The following TRAPPC11 variants were observed in gnomAD, a reference collection of about 807,000 sequenced individuals.
TRAPPC11 encodes trafficking protein particle complex subunit 11, also known as foie gras homolog.
TRAPPC11 carries 104 observed loss-of-function variants against 151.2 expected under a neutral mutation model. The observed-to-expected ratio is 0.69, with a 90% CI of 0.59 to 0.81. The LOEUF is 0.81. TRAPPC11 is among the 30% of genes least tolerant of loss of function. TRAPPC11 has a pLI of 0.00. For synonymous variants in TRAPPC11, 456 were observed against 472.3 expected, an observed-to-expected ratio of 0.97 and a Z score of 0.45; for missense variants, 1,230 against 1,349.6, an observed-to-expected ratio of 0.91 and a Z score of 1.39.
chr4:183,682,936 G>A (rs113648328), intron 11 of TRAPPC11, 111 bp downstream of exon 11: 2 of 733,126 alleles, frequency 2.7e-6, no homozygotes, highest in Non-Finnish European at 4.7e-6. Context: ...AAGTAAAAAT[G>A]TGTGCTTTTT....
At position 183,675,910 on chromosome 4, in the gene TRAPPC11, T is replaced by A. The variant is rs566811697; in HGVS notation, c.734+673T>A. ...TTTGCTTTTACGAAGCAGAATTCAATGAAACTTGACCTCTTTGTAGCTTTA... is the reference window on the plus strand; with the variant it reads ...TTTGCTTTTACGAAGCAGAATTCAAAGAAACTTGACCTCTTTGTAGCTTTA... On this transcript the variant is annotated intron_variant, in intron 7 of 29. Coordinates refer to ENST00000334690, the MANE Select transcript of TRAPPC11 (RefSeq NM_021942.6). Among the ~76,000 whole-genome samples, 10 of 152,316 alleles carry A rather than the reference T, an allele frequency of 6.6e-5. No individual in the cohort carries two copies. The East Asian group carries it at 1.5e-3, about 24-fold the overall frequency.
At chr4:183,683,878 TTAAA>T in intron 11 of TRAPPC11, 93 bp from the exon 12 acceptor site, 1 of 959,352 alleles carries the variant, frequency 1.0e-6, no homozygotes, top group Non-Finnish European at 1.6e-6. Flanking sequence ...AATGATTATA[TTAAA>T]TAAAGGTTTC....
Position 183,664,091 on chromosome 4 carries a change from A to T in TRAPPC11, c.204+20A>T, listed in dbSNP as rs147033839. 1 of 1,593,134 alleles carries T rather than the reference A, an allele frequency of 6.3e-7. No individual in the cohort carries two copies. Among genetic ancestry groups the T allele is most frequent in the African/African-American group, 1.3e-5 (1 of 74,540 alleles). The stretch of plus-strand genomic sequence containing the variant: ...CCCAAGGTAATGGCATTGTGATGGC[A>T]TGTGTTCTTTCCTTCTCTCTCTCTA... On this transcript the variant is annotated intron_variant, in intron 2 of 29. Coordinates refer to ENST00000334690, the MANE Select transcript of TRAPPC11 (RefSeq NM_021942.6).
At position 183,704,998 on chromosome 4, in the gene TRAPPC11, A is replaced by C. The variant is rs750522413; in HGVS notation, c.2983A>C (p.Ile995Leu). 1 of 1,598,528 alleles carries C rather than the reference A, an allele frequency of 6.3e-7. No individual in the cohort carries two copies. Among genetic ancestry groups the C allele is most frequent in the Non-Finnish European group, 8.6e-7 (1 of 1,168,958 alleles). The change falls in exon 27 of 30, where the codon ATC (isoleucine) becomes CTC (leucine). Residue 995 changes from isoleucine to leucine, a missense_variant. Coordinates refer to ENST00000334690, the MANE Select transcript of TRAPPC11 (RefSeq NM_021942.6). ...SWKRTSAMEN[I>L]PIITTVITLP... Reference sequence around the variant, plus strand: ...CCACAGGACCTCAGCAATGGAGAATATCCCCATCATCACAACTGTCATCAC... The same window carrying C: ...CCACAGGACCTCAGCAATGGAGAATCTCCCCATCATCACAACTGTCATCAC...
At position 183,663,993 on chromosome 4, in the gene TRAPPC11, A is replaced by C. The variant is rs753631615; in HGVS notation, c.126A>C (p.Ala42=). 6.2e-7 allele frequency: 1 copy of C among 1,614,098 alleles called. No homozygotes were observed. Among genetic ancestry groups the C allele is most frequent in the Non-Finnish European group, 8.5e-7 (1 of 1,180,030 alleles). Residue 42 remains alanine, a synonymous_variant, in exon 2 of 30, where the codon GCA becomes GCC. Transcript: ENST00000334690. ...VHRAVWDAFC[A]NRRADRVPIS... Reference sequence around the variant, plus strand: ...GAGCTGTCTGGGACGCCTTCTGTGCAAATCGGAGAGCTGATCGAGTACCAA... The same window carrying C: ...GAGCTGTCTGGGACGCCTTCTGTGCCAATCGGAGAGCTGATCGAGTACCAA...
chr4:183,685,090 C>T lies in TRAPPC11; in HGVS notation c.1574C>T (p.Thr525Ile). 6.2e-7 allele frequency: 1 copy of T among 1,613,676 alleles called. No homozygotes were observed. Among genetic ancestry groups the T allele is most frequent in the Non-Finnish European group, 8.5e-7 (1 of 1,179,820 alleles). The change falls in exon 16 of 30, where the codon ACT becomes ATT. Residue 525 changes from threonine (T) to isoleucine (I), a missense_variant. By Grantham distance (89) the Thr-to-Ile change is moderately conservative. Coordinates refer to ENST00000334690, the MANE Select transcript of TRAPPC11 (RefSeq NM_021942.6). ...CCTTCTTTCTTCATACTAGCTTCAACTCTGAAAGATGACCAGAAGTCTCGG... is the reference window on the plus strand; with the variant it reads ...CCTTCTTTCTTCATACTAGCTTCAATTCTGAAAGATGACCAGAAGTCTCGG... ...YSLELLGRASTLKDDQKSRIE... is the reference protein window; with the variant it reads ...YSLELLGRASILKDDQKSRIE...
At position 183,693,701 on chromosome 4, in the gene TRAPPC11, AT is replaced by A; in HGVS notation, c.2351del (p.Ile784ThrfsTer4). Reference sequence around the variant, plus strand: ...TGTTCAGTCCCATGAAAAGACCCAAATCAGAGATGTGAAGCTCACCGCTGGC... The same window carrying A: ...TGTTCAGTCCCATGAAAAGACCCAAACAGAGATGTGAAGCTCACCGCTGGC... The part of the protein sequence containing the change: ...VTVQSHEKTQ[I>X]RDVKLTAGLK... On this transcript the variant is annotated frameshift_variant, in exon 21 of 30. Transcript: ENST00000334690. LOFTEE classifies it high-confidence loss of function. 1 of 1,614,162 alleles carries A rather than the reference AT, an allele frequency of 6.2e-7. No individual in the cohort carries two copies. Among genetic ancestry groups the A allele is most frequent in the Non-Finnish European group, 8.5e-7 (1 of 1,180,026 alleles).
At chr4:183,663,820 A>G in intron 1 of TRAPPC11, 27 bp from the exon 2 acceptor site, 1 of 1,269,964 alleles carries the variant, frequency 7.9e-7, no homozygotes, top group Non-Finnish European at 1.1e-6. Context: ...AAAATTAATT[A>G]TGAATGTATT....
At chr4:183,666,231 T>G (rs893552017) in intron 2 of TRAPPC11, 26 bp from the exon 3 acceptor site, 1 of 1,601,852 alleles carries the variant, frequency 6.2e-7, no homozygotes, top group Non-Finnish European at 8.5e-7. Context: ...GTCAGGTAAC[T>G]TTTCAATTTC....
intron 4 of TRAPPC11, among the ~76,000 whole-genome samples, chr4:183,667,715 T>G (rs1734954431): frequency 1.3e-5 from 2 of 152,184 alleles, no homozygotes; most frequent in Admixed American, 1.3e-4. Flanking sequence ...TTGCTTCCAG[T>G]TTTAGTTATG....
At chr4:183,675,275 A>G (rs1383061581) in intron 7 of TRAPPC11, 38 bp downstream of exon 7, 1 of 1,271,032 alleles carries the variant, frequency 7.9e-7, no homozygotes, top group South Asian at 1.7e-5. Context: ...TCCTATTTTT[A>G]TATTAACAAT....
Position 183,708,431 on chromosome 4 carries a change from A to G in TRAPPC11, c.3214A>G (p.Thr1072Ala). 6.2e-7 allele frequency: 1 copy of G among 1,613,844 alleles called. No individual in the cohort carries two copies. The highest frequency in any genetic ancestry group is 8.5e-7 in the Non-Finnish European group (1 of 1,179,920). ...GATTCGATTACGTATCCTCCCTGGC[A>G]CGGAGCAGGAAATGCTATATAATTT... ...KQIRLRILPG[T>A]EQEMLYNFYP... The change falls in exon 29 of 30, where the codon ACG becomes GCG. Residue 1072 changes from threonine (T) to alanine (A), a missense_variant. Thr to Ala is a moderately conservative substitution (Grantham distance 58). Transcript: ENST00000334690.
chr4:183,694,111 C>T, intron 22 of TRAPPC11, 73 bp downstream of exon 22: 2 of 1,512,238 alleles, frequency 1.3e-6, no homozygotes, highest in South Asian at 1.2e-5. Context: ...GAGTTTTTAA[C>T]AGTTCAGAGC....
In TRAPPC11 at chr4:183,666,323, A is replaced by C. The variant is rs1357906727; in HGVS notation, c.271A>C (p.Asn91His). 6.2e-7 allele frequency: 1 copy of C among 1,614,198 alleles called. No homozygotes were observed. The highest frequency in any genetic ancestry group is 2.2e-5 in the East Asian group (1 of 44,892). The change falls in exon 3 of 30, where the codon AAT (asparagine) becomes CAT (histidine). Residue 91 changes from asparagine to histidine, a missense_variant. Physicochemically the swap from Asn to His is moderately conservative, Grantham distance 68. Transcript: ENST00000334690. ...GACTGGCTGGATGAATAAGCATCTGAATCTGGTGCCAGCCCTGGTGGTTGT... is the reference window on the plus strand; with the variant it reads ...GACTGGCTGGATGAATAAGCATCTGCATCTGGTGCCAGCCCTGGTGGTTGT... The part of the protein sequence containing the change: ...LKTGWMNKHL[N>H]LVPALVVVFY...
intron 25 of TRAPPC11, among the ~76,000 whole-genome samples, chr4:183,699,021 G>A (rs1355072568): frequency 6.6e-6 from 1 of 151,916 alleles, no homozygotes; most frequent in Non-Finnish European, 1.5e-5. Context: ...TTCTTCCTTG[G>A]CAGTCATTCT....
At chr4:183,683,155 CAAA>C (rs11461854) in intron 11 of TRAPPC11, among the ~76,000 whole-genome samples, 4 of 97,928 alleles carry the variant, frequency 4.1e-5, no homozygotes, top group Non-Finnish European at 8.7e-5. Context: ...GACCTCATCT[CAAA>C]AAAAAAAAAA....
Position 183,694,711 on chromosome 4 carries a change from C to T in TRAPPC11, c.2616C>T (p.Cys872=). The part of the protein sequence containing the change: ...NTTVEEKEIV[C]KCHKDETVTI... Reference sequence around the variant, plus strand: ...CCGTTGAAGAAAAAGAAATTGTTTGCAAGTGTCACAAGGTATTTTTTTATA... The same window carrying T: ...CCGTTGAAGAAAAAGAAATTGTTTGTAAGTGTCACAAGGTATTTTTTTATA... Residue 872 remains cysteine (C), a synonymous_variant, in exon 23 of 30, where the codon TGC becomes TGT. Transcript: ENST00000334690. 1 of 1,606,902 alleles carries T rather than the reference C, an allele frequency of 6.2e-7. No individual in the cohort carries two copies. The highest frequency in any genetic ancestry group is 8.5e-7 in the Non-Finnish European group (1 of 1,178,416).
At position 183,680,180 on chromosome 4, in the gene TRAPPC11, A is replaced by T; in HGVS notation, c.1026A>T (p.Gln342His). The change falls in exon 10 of 30, where the codon CAA becomes CAT. Residue 342 changes from glutamine to histidine, a missense_variant. Gln to His is a conservative substitution (Grantham distance 24, BLOSUM62 0). Transcript: ENST00000334690. ...EAIKLGLTAI[Q>H]TQNPGFYYQQ... The stretch of plus-strand genomic sequence containing the variant: ...TTAAGTTAGGGTTAACAGCTATTCA[A>T]ACTCAGAATCCTGGTTTCTATTACC... 6.2e-7 allele frequency: 1 copy of T among 1,614,072 alleles called. No homozygotes were observed. The highest frequency in any genetic ancestry group is 8.5e-7 in the Non-Finnish European group (1 of 1,179,990).
intron 5 of TRAPPC11, among the ~76,000 whole-genome samples, chr4:183,674,383 A>G (rs182123292): frequency 6.9e-6 from 1 of 144,880 alleles, no homozygotes; most frequent in African/African-American, 2.6e-5. Context: ...GCGTCACTGC[A>G]CTCCAGCCTG....
Sources: allele counts gnomAD v4.1 joint callset (sites outside exome capture counted in the v4.1 genomes callset), GRCh38; gene constraint gnomAD v4.1.1; transcripts MANE v1.5; gene names NCBI Gene and HGNC (gene_info 2026-07-23, HGNC 2026-07-21).